The following GABRA5 variants were observed in gnomAD, a reference collection of about 807,000 sequenced individuals.
The protein encoded by GABRA5 is gamma-aminobutyric acid type A receptor subunit alpha5, also known as gamma-aminobutyric acid receptor subunit alpha-5.
Under a neutral mutation model 47.3 loss-of-function variants are expected in GABRA5, and 18 were observed. That is an observed-to-expected ratio of 0.38 (90% CI 0.26 to 0.56). The LOEUF (loss-of-function observed/expected upper bound fraction) is 0.56. GABRA5 is among the 20% of genes least tolerant of loss of function. GABRA5 has a pLI of 0.71. For missense variants in GABRA5, 365 were observed against 599.3 expected (o/e 0.61, Z 4.08); for synonymous variants, 237 against 229.3 (o/e 1.03, Z -0.30).
At chr15:26,918,895 T>A (rs1421503728) in intron 7 of GABRA5, among the ~76,000 whole-genome samples, 1 of 152,142 alleles carries the variant, frequency 6.6e-6, no homozygotes, top group Non-Finnish European at 1.5e-5. Context: ...TCCCAGTACT[T>A]TGGGAGGCTG....
At chr15:26,913,661 A>G (rs1893652116) in intron 6 of GABRA5, among the ~76,000 whole-genome samples, 1 of 152,194 alleles carries the variant, frequency 6.6e-6, no homozygotes. Flanking sequence ...CTTTCATTGT[A>G]TGTAATTTCA....
At chr15:26,874,568 G>A (rs1892547796) in intron 3 of GABRA5, among the ~76,000 whole-genome samples, 1 of 152,100 alleles carries the variant, frequency 6.6e-6, no homozygotes, top group Admixed American at 6.5e-5. Flanking sequence ...GGAAACCAAA[G>A]AATATCCTAA....
At chr15:26,916,718 C>T (rs186894644) in intron 7 of GABRA5, among the ~76,000 whole-genome samples, 1 of 151,978 alleles carries the variant, frequency 6.6e-6, no homozygotes, top group African/African-American at 2.4e-5. Flanking sequence ...GGCATCTTTC[C>T]ATTTGTTTGT....
At chr15:26,946,688 A>C (rs1462678124) in intron 10 of GABRA5, among the ~76,000 whole-genome samples, 1 of 151,922 alleles carries the variant, frequency 6.6e-6, no homozygotes, top group Non-Finnish European at 1.5e-5. Flanking sequence ...AAAGCTCACC[A>C]TGCCTCTTCC....
chr15:26,877,547 A>G, intron 3 of GABRA5: 1 of 350,938 alleles, frequency 2.8e-6, no homozygotes, highest in South Asian at 2.2e-5. Flanking sequence ...TGCAGTTGCC[A>G]TTATCGAACT....
intron 9 of GABRA5, among the ~76,000 whole-genome samples, chr15:26,942,239 GAC>G (rs947498071): frequency 4.9e-4 from 75 of 152,344 alleles, no homozygotes; most frequent in African/African-American, 1.8e-3. Flanking sequence ...ACGAGAGTCT[GAC>G]ACTCAGTGGA....
chr15:26,929,127 C>G (rs1894031447), intron 7 of GABRA5, among the ~76,000 whole-genome samples: 1 of 152,162 alleles, frequency 6.6e-6, no homozygotes, highest in Admixed American at 6.5e-5. Context: ...GTCTAAAGCC[C>G]AAAGTCTTAG....
intron 7 of GABRA5, among the ~76,000 whole-genome samples, chr15:26,928,550 C>T (rs1349478538): frequency 1.3e-5 from 2 of 152,022 alleles, no homozygotes; most frequent in African/African-American, 2.4e-5. Context: ...GTGATTAGGA[C>T]GTGAGGGTGG....
intron 7 of GABRA5, among the ~76,000 whole-genome samples, chr15:26,926,931 AT>A (rs1319180260): frequency 6.6e-6 from 1 of 152,176 alleles, no homozygotes; most frequent in Admixed American, 6.5e-5. Flanking sequence ...CAGTTAAATC[AT>A]TTATCACACT....
intron 7 of GABRA5, among the ~76,000 whole-genome samples, chr15:26,933,557 C>T (rs1448014863): frequency 2.0e-5 from 3 of 152,150 alleles, no homozygotes; most frequent in Non-Finnish European, 4.4e-5. Flanking sequence ...CTGATCTGGG[C>T]CCATTAAGTT....
chr15:26,886,556 G>A (rs1010785773), intron 6 of GABRA5, among the ~76,000 whole-genome samples: 2 of 152,180 alleles, frequency 1.3e-5, no homozygotes, highest in Admixed American at 6.5e-5. Context: ...GTAAGGCTTA[G>A]GGGTGTTTGG....
chr15:26,875,676 G>A (rs1331237636), intron 3 of GABRA5, among the ~76,000 whole-genome samples: 1 of 152,080 alleles, frequency 6.6e-6, no homozygotes, highest in African/African-American at 2.4e-5. Flanking sequence ...CGGAGGGGCA[G>A]GCGTGAGGAA....
At chr15:26,943,524 C>A in intron 10 of GABRA5, 98 bp downstream of exon 10, 1 of 1,067,718 alleles carries the variant, frequency 9.4e-7, no homozygotes, top group Non-Finnish European at 1.4e-6. Context: ...TCCTTCCTAC[C>A]CGCCAGCCCC....
At chr15:26,921,176 A>G (rs968372375) in intron 7 of GABRA5, among the ~76,000 whole-genome samples, 1 of 152,176 alleles carries the variant, frequency 6.6e-6, no homozygotes, top group Admixed American at 6.5e-5. Flanking sequence ...TTTATTTTCT[A>G]GAAAATACTG....
rs559051190 is a variant in GABRA5, at chr15:26,909,504, C to T, written c.498-5299C>T. 7.2e-4 allele frequency among the ~76,000 whole-genome samples: 109 copies of T among 152,262 alleles called. 1 individual carries two copies. In the Middle Eastern group the frequency reaches 0.01, roughly 14 times the overall value. ...ACAACAAAGTTATTGTCTTGTAATTCCAAAAGGGTCCCAGGAGGCTACAGT... is the reference window on the plus strand; with the variant it reads ...ACAACAAAGTTATTGTCTTGTAATTTCAAAAGGGTCCCAGGAGGCTACAGT... On this transcript the variant is annotated intron_variant, in intron 6 of 10. Coordinates refer to ENST00000335625, the MANE Select transcript of GABRA5 (RefSeq NM_000810.4).
chr15:26,879,317 C>A (rs548489220), intron 3 of GABRA5, among the ~76,000 whole-genome samples: 1 of 152,178 alleles, frequency 6.6e-6, no homozygotes, highest in Non-Finnish European at 1.5e-5. Context: ...CAAAATATAA[C>A]CTTCTTTTTT....
At chr15:26,941,497 A>T (rs561636897) in intron 9 of GABRA5, among the ~76,000 whole-genome samples, 1 of 152,248 alleles carries the variant, frequency 6.6e-6, no homozygotes, top group African/African-American at 2.4e-5. Context: ...TCATGCAGGG[A>T]ATGACGTTCA....
At chr15:26,912,768 A>G (rs1170664257) in intron 6 of GABRA5, among the ~76,000 whole-genome samples, 2 of 152,248 alleles carry the variant, frequency 1.3e-5, no homozygotes, top group African/African-American at 2.4e-5. Flanking sequence ...CCAAGAATGA[A>G]AAGAAAATAT....
chr15:26,882,377 G>A (rs1892749959), intron 4 of GABRA5, among the ~76,000 whole-genome samples: 1 of 152,102 alleles, frequency 6.6e-6, no homozygotes, highest in African/African-American at 2.4e-5. Flanking sequence ...CCATGCAGAC[G>A]ATCATCACAC....
Sources: gnomAD v4.1 joint callset for allele counts (sites outside exome capture counted in the v4.1 genomes callset) on GRCh38, gnomAD v4.1.1 for gene constraint, MANE v1.5 for transcripts, NCBI Gene and HGNC (gene_info 2026-07-23, HGNC 2026-07-21) for gene names.